PHKA2: variants seen among roughly 807,000 people sequenced by gnomAD.
The protein encoded by PHKA2 is phosphorylase kinase regulatory subunit alpha 2, also known as phosphorylase b kinase regulatory subunit alpha, liver isoform.
A neutral mutation model predicts 102.0 loss-of-function variants in PHKA2; 31 were observed. The ratio of observed to expected loss-of-function variants is 0.30; its 90% CI spans 0.23 to 0.41. The LOEUF (loss-of-function observed/expected upper bound fraction) is 0.41, where lower values mean the gene tolerates loss of function less well. Among genes scored for constraint, PHKA2 ranks in the 10% least tolerant of loss-of-function variants. The pLI, the probability that PHKA2 is intolerant of heterozygous loss-of-function variation, is 1.00. For synonymous variants in PHKA2, 455 were observed against 416.2 expected (o/e 1.09, Z -1.13); for missense variants, 858 against 1,023.1 (o/e 0.84, Z 2.20).
At chrX:18,948,498 AT>A (rs2048623434) in intron 5 of PHKA2, among the ~76,000 whole-genome samples, 1 of 111,966 alleles carries the variant, frequency 8.9e-6, no homozygotes, top group African/African-American at 3.3e-5. Context: ...AACAAAATAA[AT>A]AAAAAAATAT....
At chrX:18,909,764 A>G (rs1170472844) in intron 20 of PHKA2, among the ~76,000 whole-genome samples, 1 of 112,396 alleles carries the variant, frequency 8.9e-6, no homozygotes, top group Non-Finnish European at 1.9e-5. Flanking sequence ...CAGACAGCTA[A>G]TCACCTTTGT....
rs183543148 is a variant in PHKA2 at position 18,906,466 on chromosome X, G to A, written c.2806+29C>T. ...CCGGGTGGTTGGGGTGGGGTGCGGC[G>A]GGAGCTGCAGGAGCTGCGGGCATCT... On this transcript the variant is annotated intron_variant, in intron 25 of 32. Coordinates refer to ENST00000379942, the MANE Select transcript of PHKA2 (RefSeq NM_000292.3). The A allele has an allele frequency of 2.1e-4, 252 of 1,208,896 alleles. 1 individual carries two copies. In the African/African-American group the frequency reaches 3.7e-3, roughly 18 times the overall value.
intron 31 of PHKA2, chrX:18,894,781 G>A: frequency 2.6e-6 from 1 of 389,041 alleles, no homozygotes; most frequent in Admixed American, 4.4e-5. Context: ...ATCACCTAGG[G>A]ACGATTACTG....
In PHKA2 at chrX:18,940,056, G is replaced by A. The variant is rs199681415; in HGVS notation, c.865-8C>T. The stretch of plus-strand genomic sequence containing the variant: ...ACAGCATCCATAACGCCCCTAATAA[G>A]AGAAAGTACATTCGATGAGCTCAGA... On this transcript the variant is annotated splice_polypyrimidine_tract_variant and splice_region_variant and intron_variant, in intron 8 of 32. Coordinates refer to ENST00000379942, the MANE Select transcript of PHKA2 (RefSeq NM_000292.3). 131 of 1,179,268 alleles carry A rather than the reference G, an allele frequency of 1.1e-4. No homozygotes were observed. Among genetic ancestry groups the A allele is most frequent in the Non-Finnish European group, 1.5e-4 (127 of 867,184 alleles).
chrX:18,917,800 C>T (rs949276098), intron 19 of PHKA2, among the ~76,000 whole-genome samples: 2 of 110,280 alleles, frequency 1.8e-5, no homozygotes, highest in African/African-American at 6.6e-5. Flanking sequence ...GGGGAAGATC[C>T]CAGGGTAAAA....
intron 27 of PHKA2, among the ~76,000 whole-genome samples, chrX:18,901,232 T>G (rs1303843345): frequency 9.0e-6 from 1 of 110,910 alleles, no homozygotes; most frequent in African/African-American, 3.3e-5. Context: ...GAGGCAAACA[T>G]GGACAAGGGT....
intron 19 of PHKA2, among the ~76,000 whole-genome samples, chrX:18,917,223 C>T (rs1324165140): frequency 9.3e-6 from 1 of 108,066 alleles, no homozygotes; most frequent in Non-Finnish European, 1.9e-5. Flanking sequence ...AGCAAGAAGA[C>T]AATAAGTCAT....
chrX:18,966,102 T>G (rs1246778092), intron 1 of PHKA2, among the ~76,000 whole-genome samples: 1 of 104,147 alleles, frequency 9.6e-6, no homozygotes, highest in Non-Finnish European at 2.0e-5. Context: ...GTTTTTTTTT[T>G]TTTGAGATGG....
intron 16 of PHKA2, 48 bp from the exon 17 acceptor site, chrX:18,924,182 T>C (rs2147910994): frequency 9.9e-7 from 1 of 1,006,254 alleles, no homozygotes; most frequent in African/African-American, 1.9e-5. Context: ...AGACTTTTTT[T>C]CCGTTATGCA....
At chrX:18,918,440 A>G (rs972610004) in intron 19 of PHKA2, among the ~76,000 whole-genome samples, 1 of 112,176 alleles carries the variant, frequency 8.9e-6, no homozygotes, top group East Asian at 2.8e-4. Context: ...TCGAAAGTCA[A>G]CAAGTACCGA....
chrX:18,975,679 A>G (rs1350716115), intron 1 of PHKA2, among the ~76,000 whole-genome samples: 1 of 111,364 alleles, frequency 9.0e-6, no homozygotes, highest in Non-Finnish European at 1.9e-5. Flanking sequence ...CACACCCAAT[A>G]TTCACTCCAC....
At chrX:18,928,450 G>C (rs146216451) in intron 13 of PHKA2, among the ~76,000 whole-genome samples, 1 of 112,520 alleles carries the variant, frequency 8.9e-6, no homozygotes, top group East Asian at 2.8e-4. Flanking sequence ...CATAGAAACT[G>C]CAAGAATGAT....
chrX:18,973,105 C>A (rs956639681), intron 1 of PHKA2, among the ~76,000 whole-genome samples: 1 of 111,862 alleles, frequency 8.9e-6, no homozygotes, highest in East Asian at 2.8e-4. Context: ...CAGGTTCAAG[C>A]AATTCTCCTG....
intron 1 of PHKA2, among the ~76,000 whole-genome samples, chrX:18,958,801 G>A (rs184869717): frequency 4.8e-4 from 53 of 110,758 alleles, no homozygotes; most frequent in Admixed American, 4.2e-3. Context: ...CCTCTGTCTC[G>A]GGGATTCAAG....
At chrX:18,900,527 C>G in intron 28 of PHKA2, 143 bp downstream of exon 28, 1 of 561,642 alleles carries the variant, frequency 1.8e-6, no homozygotes, top group African/African-American at 2.2e-5. Flanking sequence ...CCCTCGAGTC[C>G]TGCTCTCTGC....
intron 31 of PHKA2, 133 bp downstream of exon 31, chrX:18,895,005 A>C (rs2047510220): frequency 3.1e-6 from 2 of 639,904 alleles, no homozygotes; most frequent in Non-Finnish European, 5.3e-6. Context: ...TGAAGGGGCT[A>C]GACAGCTCAG....
intron 1 of PHKA2, among the ~76,000 whole-genome samples, chrX:18,964,116 C>T (rs938417256): frequency 3.6e-5 from 4 of 111,795 alleles, no homozygotes; most frequent in Non-Finnish European, 7.5e-5. Flanking sequence ...CTTCCCCTCA[C>T]ATCCAGCCTG....
At position 18,892,566 on chromosome X, in the gene PHKA2, G is replaced by T. The variant is rs2078041172; in HGVS notation, c.*919C>A. The T allele has an allele frequency of 8.9e-6, 1 of 111,831 alleles. No individual in the cohort carries two copies. Among genetic ancestry groups the T allele is most frequent in the Non-Finnish European group, 1.9e-5 (1 of 53,201 alleles). The allele number at this position is 111,831 out of a possible 1,213,427, so 9.2% of individuals were successfully genotyped here. A position where few individuals can be genotyped will look rare whatever the true frequency, so the allele number is the denominator to read the frequency against. On this transcript the variant is annotated 3_prime_UTR_variant, in exon 33 of 33. Coordinates refer to ENST00000379942, the MANE Select transcript of PHKA2 (RefSeq NM_000292.3). Reference sequence around the variant, plus strand: ...GCTCTATTTTTCAGAGGGAAGCATTGTTTCTGCGGGGACATGCCTGTTCAC... The same window carrying T: ...GCTCTATTTTTCAGAGGGAAGCATTTTTTCTGCGGGGACATGCCTGTTCAC...
At chrX:18,896,781 T>A in intron 30 of PHKA2, 1 of 259,463 alleles carries the variant, frequency 3.9e-6, no homozygotes, top group Non-Finnish European at 7.1e-6. Context: ...TCTTCTATGT[T>A]CCTAAAATAC....
Sources: gnomAD v4.1 joint callset for allele counts (sites outside exome capture counted in the v4.1 genomes callset) on GRCh38, gnomAD v4.1.1 for gene constraint, MANE v1.5 for transcripts, NCBI Gene and HGNC (gene_info 2026-07-23, HGNC 2026-07-21) for gene names.